SLFN11: variants seen among roughly 807,000 people sequenced by gnomAD.
SLFN11 encodes schlafen family member 11.
A neutral mutation model predicts 53.4 loss-of-function variants in SLFN11; 43 were observed. That is an observed-to-expected ratio of 0.80 (90% confidence interval 0.63 to 1.04). The LOEUF is 1.04. Ranked by LOEUF, SLFN11 falls within the 50% of genes least tolerant of loss-of-function variation. SLFN11 has a pLI of 0.00. For synonymous variants in SLFN11, 389 were observed against 394.7 expected, an observed-to-expected ratio of 0.99 and a Z score of 0.17; for missense variants, 990 against 1,079.1, an observed-to-expected ratio of 0.92 and a Z score of 1.16.
At chr17:35,357,840 A>T (rs1037896550) in intron 5 of SLFN11, among the ~76,000 whole-genome samples, 2 of 145,092 alleles carry the variant, frequency 1.4e-5, no homozygotes, top group African/African-American at 5.0e-5. Context: ...TAATAAAATT[A>T]AAAATATATA....
chr17:35,371,320 C>A (rs74576811), intron 1 of SLFN11, among the ~76,000 whole-genome samples: 1 of 151,852 alleles, frequency 6.6e-6, no homozygotes, highest in Admixed American at 6.6e-5. Flanking sequence ...AAAAATCAAA[C>A]GAAAATGGGT....
chr17:35,358,443 C>T (rs1740117123), intron 5 of SLFN11, among the ~76,000 whole-genome samples: 1 of 151,408 alleles, frequency 6.6e-6, no homozygotes, highest in South Asian at 2.1e-4. Context: ...ATTAATATTA[C>T]ATTGTACTTG....
chr17:35,350,566 A>T lies in SLFN11; in HGVS notation c.*1790T>A, dbSNP rs1906556352. 1 of 152,248 alleles carries T rather than the reference A, an allele frequency of 6.6e-6. No homozygotes were observed. Among genetic ancestry groups the T allele is most frequent in the Non-Finnish European group, 1.5e-5 (1 of 68,050 alleles). 9.4% of individuals were successfully genotyped at this position (152,248 alleles called of 1,614,324 possible). A position where few individuals can be genotyped will look rare whatever the true frequency, so the allele number is the denominator to read the frequency against. On this transcript the variant is annotated 3_prime_UTR_variant, in exon 7 of 7. Coordinates refer to ENST00000685675, the MANE Select transcript of SLFN11 (RefSeq NM_001376007.1). ...CTCTCAAAGACATTGCAACAACTCC[A>T]AAGTCCAGGGATCTTATAAGACTAA...
At position 35,353,985 on chromosome 17, in the gene SLFN11, C is replaced by T. The variant is rs759246639; in HGVS notation, c.1273G>A (p.Glu425Lys). The T allele has an allele frequency of 5.0e-6, 8 of 1,613,868 alleles. No individual in the cohort carries two copies. Among genetic ancestry groups the T allele is most frequent in the African/African-American group, 4.0e-5 (3 of 74,898 alleles). The change falls in exon 6 of 7, where the codon GAG (glutamate) becomes AAG (lysine). Residue 425 changes from glutamate (E) to lysine (K), a missense_variant. By Grantham distance (56) the Glu-to-Lys change is moderately conservative. Transcript: ENST00000685675. The stretch of plus-strand genomic sequence containing the variant: ...GGTTGCATTTGCTTATTTATTAACT[C>T]CTCTAGTCCTCTGTGCTCTGAGATC... ...DLISEHRGLE[E>K]LINKQMQPFF...
Position 35,352,784 on chromosome 17 carries a change from A to G in SLFN11, c.2278T>C (p.Cys760Arg). 2 of 1,614,200 alleles carry G rather than the reference A, an allele frequency of 1.2e-6. No individual in the cohort carries two copies. Among genetic ancestry groups the G allele is most frequent in the Non-Finnish European group, 1.7e-6 (2 of 1,180,040 alleles). Reference sequence around the variant, plus strand: ...TCGGCTTCAGGAAATACCTCGAGGCACCCAGTGGGGATGTTAAATGAAGGA... The same window carrying G: ...TCGGCTTCAGGAAATACCTCGAGGCGCCCAGTGGGGATGTTAAATGAAGGA... The part of the protein sequence containing the change: ...SNPSFNIPTG[C>R]LEVFPEAEWS... Residue 760 changes from cysteine (C) to arginine (R), a missense_variant, in exon 7 of 7, where the codon TGC becomes CGC. Physicochemically the swap from Cys to Arg is radical, Grantham distance 180. This residue lies in a region of SLFN11 where 313 missense variants were observed against 320.9 expected (regional missense o/e 0.98). Transcript: ENST00000685675.
chr17:35,353,042 G>A lies in SLFN11; in HGVS notation c.2020C>T (p.Arg674Cys), dbSNP rs201406101. 5.8e-5 allele frequency: 93 copies of A among 1,614,114 alleles called. 1 individual carries two copies. In the East Asian group the frequency reaches 1.0e-3, roughly 18 times the overall value. Residue 674 changes from arginine (R) to cysteine (C), a missense_variant, in exon 7 of 7, where the codon CGT becomes TGT. Physicochemically the swap from Arg to Cys is radical, Grantham distance 180 (BLOSUM62 -3). This residue lies in a region of SLFN11 where 313 missense variants were observed against 320.9 expected (regional missense o/e 0.98). Transcript: ENST00000685675. ...HIVIDEAQNF[R>C]TEDGDWYGKA... ...CCATACCAGTCCCCATCTTCAGTAC[G>A]GAAATTCTGAGCTTCGTCAATGACG...
chr17:35,352,779 G>A lies in SLFN11; in HGVS notation c.2283C>T (p.Leu761=), dbSNP rs751831531. Residue 761 remains leucine (L), a synonymous_variant, in exon 7 of 7, where the codon CTC becomes CTT. Transcript: ENST00000685675. ...NPSFNIPTGC[L]EVFPEAEWSQ... ...ACCATTCGGCTTCAGGAAATACCTC[G>A]AGGCACCCAGTGGGGATGTTAAATG... 23 of 1,614,086 alleles carry A rather than the reference G, an allele frequency of 1.4e-5. No individual in the cohort carries two copies. Among genetic ancestry groups the A allele is most frequent in the South Asian group, 5.5e-5 (5 of 91,090 alleles).
At chr17:35,357,743 CAT>C (rs931921699) in intron 5 of SLFN11, among the ~76,000 whole-genome samples, 26 of 139,614 alleles carry the variant, frequency 1.9e-4, no homozygotes, top group African/African-American at 6.8e-4. Context: ...TAATATATAT[CAT>C]ATATAAATAA....
At position 35,352,047 on chromosome 17, in the gene SLFN11, T is replaced by G; in HGVS notation, c.*309A>C. 3.2e-6 allele frequency: 1 copy of G among 310,204 alleles called. No individual in the cohort carries two copies. The highest frequency in any genetic ancestry group is 5.9e-6 in the Non-Finnish European group (1 of 169,514). The allele number at this position is 310,204 out of a possible 1,614,324, so 19.2% of individuals were successfully genotyped here. ...GAAGAAAGAAAGGCCACAGGCTGAGTTTCTTATTTTTATGGCTTTTACCCA... is the reference window on the plus strand; with the variant it reads ...GAAGAAAGAAAGGCCACAGGCTGAGGTTCTTATTTTTATGGCTTTTACCCA... On this transcript the variant is annotated 3_prime_UTR_variant, in exon 7 of 7. Transcript: ENST00000685675.
chr17:35,354,123 T>C (rs1223479713), intron 5 of SLFN11, 64 bp from the exon 6 acceptor site: 31 of 1,394,544 alleles, frequency 2.2e-5, no homozygotes, highest in Middle Eastern at 2.1e-4. Flanking sequence ...AGATGACTAA[T>C]TATAATTAAC....
chr17:35,352,131 C>G lies in SLFN11; in HGVS notation c.*225G>C. On this transcript the variant is annotated 3_prime_UTR_variant, in exon 7 of 7. Coordinates refer to ENST00000685675, the MANE Select transcript of SLFN11 (RefSeq NM_001376007.1). ...AGCTAAAGTTCCTTTAGAAAACCAC[C>G]ATCTTTCTGGCTGGAAGAGTCAGGG... 1.7e-6 allele frequency: 1 copy of G among 592,306 alleles called. No homozygotes were observed. The highest frequency in any genetic ancestry group is 3.0e-6 in the Non-Finnish European group (1 of 337,358). The allele number at this position is 592,306 out of a possible 1,614,324, so 36.7% of individuals were successfully genotyped here.
rs999152198 is a variant in SLFN11 at position 35,363,219 on chromosome 17, C to G, written c.589G>C (p.Asp197His). Residue 197 changes from aspartate to histidine, a missense_variant, in exon 4 of 7, where the codon GAC becomes CAC. Physicochemically the swap from Asp to His is moderately conservative, Grantham distance 81. Transcript: ENST00000685675. ...AGGATTTCACCATATTCAAGATAGTCTTTTTGGAAAATTAGGTCAGCAGGA... is the reference window on the plus strand; with the variant it reads ...AGGATTTCACCATATTCAAGATAGTGTTTTTGGAAAATTAGGTCAGCAGGA... ...SDPADLIFQK[D>H]YLEYGEILPF... 1.2e-6 allele frequency: 2 copies of G among 1,614,070 alleles called. No homozygotes were observed. The highest frequency in any genetic ancestry group is 2.2e-5 in the South Asian group (2 of 91,070).
At chr17:35,372,920 AT>A (rs1220622507) in intron 1 of SLFN11, among the ~76,000 whole-genome samples, 2 of 151,928 alleles carry the variant, frequency 1.3e-5, no homozygotes, top group East Asian at 3.9e-4. Flanking sequence ...AGAGGGAGAC[AT>A]TTTTCTCATT....
chr17:35,361,226 A>T (rs894764295), intron 4 of SLFN11, among the ~76,000 whole-genome samples: 2 of 152,156 alleles, frequency 1.3e-5, no homozygotes, highest in African/African-American at 4.8e-5. Flanking sequence ...GGGTAAATAT[A>T]GAAACATGTT....
chr17:35,366,049 T>C (rs1347592497), intron 3 of SLFN11, among the ~76,000 whole-genome samples: 1 of 152,142 alleles, frequency 6.6e-6, no homozygotes, highest in Admixed American at 6.5e-5. Flanking sequence ...TGTTTTCTTG[T>C]CTTTGCACTT....
In SLFN11 at chr17:35,353,080, T is replaced by A; in HGVS notation, c.1982A>T (p.His661Leu). 1 of 1,614,238 alleles carries A rather than the reference T, an allele frequency of 6.2e-7. No individual in the cohort carries two copies. The highest frequency in any genetic ancestry group is 2.2e-5 in the East Asian group (1 of 44,882). Residue 661 changes from histidine to leucine, a missense_variant, in exon 7 of 7, where the codon CAC becomes CTC. This residue lies in a region of SLFN11 where 313 missense variants were observed against 320.9 expected (regional missense o/e 0.98). Coordinates refer to ENST00000685675, the MANE Select transcript of SLFN11 (RefSeq NM_001376007.1). ...RKTFLRENFE[H>L]IQHIVIDEAQ... ...TTCGTCAATGACGATGTGTTGAATG[T>A]GTTCAAAGTTTTCTCTTAGGAAAGT...
chr17:35,352,313 T>C lies in SLFN11; in HGVS notation c.*43A>G, dbSNP rs754416077. The C allele has an allele frequency of 6.3e-7, 1 of 1,598,048 alleles. No individual in the cohort carries two copies. On this transcript the variant is annotated 3_prime_UTR_variant, in exon 7 of 7. Transcript: ENST00000685675. ...AAAGGTTTCTACCATCAGCAGACTG[T>C]CACCCATAGACATTTACATAGCATT...
rs1479604278 is a variant in SLFN11, at chr17:35,363,235, G to T, written c.573C>A (p.Asp191Glu). The T allele has an allele frequency of 3.1e-6, 5 of 1,614,056 alleles. No homozygotes were observed. The South Asian group carries it at 5.5e-5, about 18-fold the overall frequency. Residue 191 changes from aspartate to glutamate, a missense_variant, in exon 4 of 7, where the codon GAC (aspartate) becomes GAA (glutamate). Asp to Glu is a conservative substitution (Grantham distance 45). Transcript: ENST00000685675. Reference sequence around the variant, plus strand: ...CAAGATAGTCTTTTTGGAAAATTAGGTCAGCAGGATCCGAGTTTGGGTCAG... The same window carrying T: ...CAAGATAGTCTTTTTGGAAAATTAGTTCAGCAGGATCCGAGTTTGGGTCAG... Reference protein sequence around the residue: ...DPADPNSDPADLIFQKDYLEY... With the variant: ...DPADPNSDPAELIFQKDYLEY...
rs375728855 is a variant in SLFN11, at chr17:35,362,927, G to T, written c.881C>A (p.Thr294Asn). Residue 294 changes from threonine to asparagine, a missense_variant, in exon 4 of 7, where the codon ACC becomes AAC. By Grantham distance (65) the Thr-to-Asn change is moderately conservative. This residue lies in a region of SLFN11 where 521 missense variants were observed against 516.2 expected (regional missense o/e 1.01). Coordinates refer to ENST00000685675, the MANE Select transcript of SLFN11 (RefSeq NM_001376007.1). ...VHFCQPQRPI[T>N]FTLKIVNVLK... is the part of the protein sequence containing the mutation. ...CACATTCACAATTTTGAGTGTGAAG[G>T]TTATCGGGCGTTGGGGTTGGCAAAA... is the stretch of plus-strand genomic sequence containing the variant. The T allele has an allele frequency of 8.2e-5, 132 of 1,613,654 alleles. 3 individuals carry two copies. Among genetic ancestry groups the T allele is most frequent in the East Asian group, 7.1e-4 (32 of 44,896 alleles).
Sources: allele counts gnomAD v4.1 joint callset (sites outside exome capture counted in the v4.1 genomes callset), GRCh38; gene constraint gnomAD v4.1.1; regional missense constraint gnomAD v4.1.1; transcripts MANE v1.5; gene names NCBI Gene and HGNC (gene_info 2026-07-23, HGNC 2026-07-21).